Variants in AIG1 observed in about 807,000 individuals in gnomAD.
AIG1 encodes androgen-induced gene 1 protein.
Under a neutral mutation model 31.4 loss-of-function variants are expected in AIG1, and 23 were observed. The observed-to-expected ratio is 0.73, with a 90% confidence interval of 0.53 to 1.04. AIG1 has a LOEUF of 1.04. Ranked by LOEUF, AIG1 falls within the 50% of genes least tolerant of loss-of-function variation. AIG1 has a pLI of 0.00. For synonymous variants in AIG1, 100 were observed against 110.5 expected (o/e 0.90, Z 0.60); for missense variants, 274 against 295.0 (o/e 0.93, Z 0.52).
In AIG1 at chr6:143,334,014, T is replaced by C; in HGVS notation, c.679+569T>C. ...AGCTACAAGCAGTAAAAGATAATAT[T>C]TCGTGGCTGGAAAAACTCTTTTAAC... On this transcript the variant is annotated intron_variant, in intron 5 of 5. Transcript: ENST00000357847. The surrounding 1 kb of genome is among the most constrained non-coding windows in gnomAD (Gnocchi z 5.1). The C allele has an allele frequency of 6.6e-7, 1 of 1,523,824 alleles. No homozygotes were observed. Among genetic ancestry groups the C allele is most frequent in the Non-Finnish European group, 8.9e-7 (1 of 1,124,932 alleles). 94.4% of individuals were successfully genotyped at this position (1,523,824 alleles called of 1,614,324 possible).
chr6:143,283,256 G>A (rs1248330871), intron 3 of AIG1, among the ~76,000 whole-genome samples: 1 of 152,182 alleles, frequency 6.6e-6, no homozygotes, highest in African/African-American at 2.4e-5. Flanking sequence ...AGTGTCTAGA[G>A]TAATCACTGA....
At chr6:143,103,663 A>G (rs1017756479) in intron 1 of AIG1, among the ~76,000 whole-genome samples, 108 of 150,754 alleles carry the variant, frequency 7.2e-4, no homozygotes, top group Non-Finnish European at 1.3e-3. Flanking sequence ...GCCCGCCACT[A>G]CGCCCGGCTA....
intron 3 of AIG1, among the ~76,000 whole-genome samples, chr6:143,215,691 C>T (rs1378645937): frequency 1.3e-5 from 2 of 152,078 alleles, no homozygotes; most frequent in Admixed American, 6.5e-5. Flanking sequence ...GATCCTAGCA[C>T]CCATGTGCTA....
chr6:143,115,734 T>C (rs1781679177), intron 1 of AIG1, among the ~76,000 whole-genome samples: 1 of 152,228 alleles, frequency 6.6e-6, no homozygotes, highest in South Asian at 2.1e-4. Flanking sequence ...GCACCTGTAG[T>C]TGATCACAGG....
chr6:143,168,810 A>T (rs1291490208), intron 3 of AIG1, among the ~76,000 whole-genome samples: 3 of 152,078 alleles, frequency 2.0e-5, no homozygotes, highest in African/African-American at 7.2e-5. Flanking sequence ...TCTCAAGAAC[A>T]AAAAAATTCT....
In AIG1 at chr6:143,149,033, A is replaced by G. The variant is rs578210381; in HGVS notation, c.297+12043A>G. The stretch of plus-strand genomic sequence containing the variant: ...TAGGTTTGTGTAAGTACACTCTATG[A>G]TGTTTACAGGATGGTAAAATAGCCT... On this transcript the variant is annotated intron_variant, in intron 2 of 5. Coordinates refer to ENST00000357847, the MANE Select transcript of AIG1 (RefSeq NM_016108.4). Among the ~76,000 whole-genome samples the G allele has an allele frequency of 2.6e-5, 4 of 152,294 alleles. No individual in the cohort carries two copies. The East Asian group carries it at 5.8e-4, about 22-fold the overall frequency.
At chr6:143,246,886 GA>G (rs1271559143) in intron 3 of AIG1, among the ~76,000 whole-genome samples, 1 of 151,968 alleles carries the variant, frequency 6.6e-6, no homozygotes, top group Non-Finnish European at 1.5e-5. Flanking sequence ...AAATAGAACA[GA>G]AAAAAAGGAC....
chr6:143,151,099 T>C (rs762041612), intron 2 of AIG1, among the ~76,000 whole-genome samples: 13 of 152,124 alleles, frequency 8.5e-5, no homozygotes, highest in African/African-American at 2.4e-4. Context: ...TTTTTTTTGC[T>C]AACTCCTCCC....
At chr6:143,210,741 C>T (rs1032978242) in intron 3 of AIG1, among the ~76,000 whole-genome samples, 1 of 152,082 alleles carries the variant, frequency 6.6e-6, no homozygotes, top group African/African-American at 2.4e-5. Context: ...TGAAATTAAC[C>T]TAGAGAAAAT....
chr6:143,186,968 A>C (rs1169618379), intron 3 of AIG1, among the ~76,000 whole-genome samples: 2 of 152,242 alleles, frequency 1.3e-5, no homozygotes, highest in African/African-American at 4.8e-5. Context: ...TCCAATAAAT[A>C]AAACAAAATT....
At chr6:143,157,375 G>A (rs954297903) in intron 2 of AIG1, among the ~76,000 whole-genome samples, 1 of 151,104 alleles carries the variant, frequency 6.6e-6, no homozygotes, top group African/African-American at 2.4e-5. Flanking sequence ...TTCTCATATT[G>A]GTATTTGCCT....
chr6:143,277,825 A>G (rs1323324276), intron 3 of AIG1, among the ~76,000 whole-genome samples: 1 of 152,218 alleles, frequency 6.6e-6, no homozygotes, highest in Non-Finnish European at 1.5e-5. Flanking sequence ...GAGAAGGAGA[A>G]AGACCAGAGA....
rs567507321 is a variant in AIG1, at chr6:143,069,139, C to T, written c.141+8073C>T. Reference sequence around the variant, plus strand: ...AAGTGACTCTCCCGCCTCAGCCTCCCGAGTAGCTGGGATTACAGGTGCATG... The same window carrying T: ...AAGTGACTCTCCCGCCTCAGCCTCCTGAGTAGCTGGGATTACAGGTGCATG... On this transcript the variant is annotated intron_variant, in intron 1 of 5. Coordinates refer to ENST00000357847, the MANE Select transcript of AIG1 (RefSeq NM_016108.4). Among the ~76,000 whole-genome samples, 7 of 151,940 alleles carry T rather than the reference C, an allele frequency of 4.6e-5. No individual in the cohort carries two copies. In the South Asian group the frequency reaches 6.2e-4, roughly 14 times the overall value.
chr6:143,302,430 T>C (rs1798895368), intron 4 of AIG1, among the ~76,000 whole-genome samples: 1 of 151,258 alleles, frequency 6.6e-6, no homozygotes, highest in Non-Finnish European at 1.5e-5. Flanking sequence ...TGTGTCCATG[T>C]GTTCTCATTG....
At chr6:143,081,534 C>A (rs1039388068) in intron 1 of AIG1, among the ~76,000 whole-genome samples, 3 of 151,156 alleles carry the variant, frequency 2.0e-5, no homozygotes, top group Admixed American at 6.6e-5. Context: ...GGGTAATGGC[C>A]TGTTCTTTGT....
intron 1 of AIG1, among the ~76,000 whole-genome samples, chr6:143,103,231 C>G (rs894058042): frequency 6.6e-6 from 1 of 152,164 alleles, no homozygotes; most frequent in Non-Finnish European, 1.5e-5. Flanking sequence ...GCCCAATCAA[C>G]AGCATAGAAG....
rs1315947471 is a variant in AIG1, at chr6:143,312,453, TA to T, written c.516-20828del. On this transcript the variant is annotated intron_variant, in intron 4 of 5. Transcript: ENST00000357847. The stretch of plus-strand genomic sequence containing the variant: ...TGACAAAGGTGCCAAAAACATACAT[TA>T]GGGAAAGGACAGTCTCTTCAATAAA... Among the ~76,000 whole-genome samples, 18 of 152,052 alleles carry T rather than the reference TA, an allele frequency of 1.2e-4. No homozygotes were observed. In the South Asian group the frequency reaches 1.7e-3, roughly 14 times the overall value.
Position 143,114,640 on chromosome 6 carries a change from C to G in AIG1, c.142-22195C>G, listed in dbSNP as rs546064139. ...TTTCCACTTGAATAAGTCAGTTAAA[C>G]TTAGAAACTATTCAATGGGTGTCAG... On this transcript the variant is annotated intron_variant, in intron 1 of 5. Transcript: ENST00000357847. Among the ~76,000 whole-genome samples, 9 of 152,320 alleles carry G rather than the reference C, an allele frequency of 5.9e-5. No individual in the cohort carries two copies. The South Asian group carries it at 1.2e-3, about 21-fold the overall frequency.
intron 3 of AIG1, chr6:143,190,635 CA>C (rs1256870401): frequency 1.0e-6 from 1 of 984,438 alleles, no homozygotes; most frequent in African/African-American, 1.7e-5. Flanking sequence ...TCCAGTTGAA[CA>C]GGGGCCTTCT....
Sources: gnomAD v4.1 joint callset for allele counts (sites outside exome capture counted in the v4.1 genomes callset) on GRCh38, gnomAD v4.1.1 for gene constraint, Gnocchi (gnomAD v3.1) non-coding constraint, MANE v1.5 for transcripts, NCBI Gene and HGNC (gene_info 2026-07-23, HGNC 2026-07-21) for gene names.